The following EED variants were observed in gnomAD, a reference collection of about 807,000 sequenced individuals.
EED encodes polycomb protein EED.
In EED, 9 loss-of-function variants were observed where a neutral mutation model predicts 61.0. The observed-to-expected ratio is 0.15, with a 90% CI of 0.09 to 0.26. The LOEUF is 0.26. Among genes scored for constraint, EED ranks in the 10% least tolerant of loss-of-function variants. The pLI, the probability that EED is intolerant of heterozygous loss-of-function variation, is 1.00. For missense variants in EED, 315 were observed against 542.3 expected, an observed-to-expected ratio of 0.58 and a Z score of 4.16; for synonymous variants, 187 against 174.4, an observed-to-expected ratio of 1.07 and a Z score of -0.57.
chr11:86,260,491 A>G (rs926971252), intron 6 of EED, among the ~76,000 whole-genome samples: 3 of 152,028 alleles, frequency 2.0e-5, no homozygotes, highest in African/African-American at 7.3e-5. Flanking sequence ...GGCCTCCCAA[A>G]GTGCTGGGAT....
intron 5 of EED, among the ~76,000 whole-genome samples, chr11:86,257,201 G>A (rs1248905053): frequency 6.6e-6 from 1 of 151,622 alleles, no homozygotes; most frequent in Non-Finnish European, 1.5e-5. Context: ...GTGTGTGTGT[G>A]TGTGTGTGTG....
intron 6 of EED, among the ~76,000 whole-genome samples, chr11:86,261,437 A>C (rs775011288): frequency 1.3e-5 from 2 of 152,210 alleles, no homozygotes; most frequent in African/African-American, 4.8e-5. Flanking sequence ...CGTGCAGCCC[A>C]CATAGCATCT....
downstream of EED, among the ~76,000 whole-genome samples, chr11:86,280,123 G>T (rs569777863): frequency 1.3e-5 from 2 of 152,086 alleles, no homozygotes; most frequent in South Asian, 2.1e-4. Context: ...GTCTCACTCT[G>T]TTGCCCAGTC....
chr11:86,274,538 G>A (rs1286190784), intron 9 of EED, among the ~76,000 whole-genome samples: 2 of 152,162 alleles, frequency 1.3e-5, no homozygotes, highest in Non-Finnish European at 2.9e-5. Flanking sequence ...GGCGCATTGT[G>A]TTGTGCCAGA....
At chr11:86,285,427 G>C in the EED span, among the ~76,000 whole-genome samples, 4 of 149,946 alleles carry the variant, frequency 2.7e-5, no homozygotes, top group African/African-American at 9.8e-5. Flanking sequence ...CTCAAAAAAA[G>C]AAAAAAAAAT....
At chr11:86,260,361 G>T (rs1945795214) in intron 6 of EED, among the ~76,000 whole-genome samples, 1 of 151,742 alleles carries the variant, frequency 6.6e-6, no homozygotes, top group African/African-American at 2.4e-5. Flanking sequence ...TGAGTAGCTG[G>T]GACTACATGT....
downstream of EED, among the ~76,000 whole-genome samples, chr11:86,280,769 T>C (rs1277488798): frequency 6.6e-6 from 1 of 152,222 alleles, no homozygotes; most frequent in African/African-American, 2.4e-5. Context: ...AGCCTCCAAC[T>C]TTTCACTAAT....
chr11:86,278,382 T>G lies in EED; in HGVS notation c.1200-17T>G. 1 of 1,610,630 alleles carries G rather than the reference T, an allele frequency of 6.2e-7. No individual in the cohort carries two copies. The highest frequency in any genetic ancestry group is 1.1e-5 in the South Asian group (1 of 90,760). On this transcript the variant is annotated splice_polypyrimidine_tract_variant and intron_variant, in intron 11 of 11. Coordinates refer to ENST00000263360, the MANE Select transcript of EED (RefSeq NM_003797.5). Reference sequence around the variant, plus strand: ...GTTATGTGTGGTCTTTAACCTGTTGTCATGTTTTTTCCCTAGATGTACAAC... The same window carrying G: ...GTTATGTGTGGTCTTTAACCTGTTGGCATGTTTTTTCCCTAGATGTACAAC...
the EED span, among the ~76,000 whole-genome samples, chr11:86,286,350 A>G: frequency 6.6e-6 from 1 of 152,086 alleles, no homozygotes; most frequent in African/African-American, 2.4e-5. Flanking sequence ...TGAGATGACA[A>G]ATAGGATGAA....
At chr11:86,260,393 A>AT (rs1325326555) in intron 6 of EED, among the ~76,000 whole-genome samples, 1 of 72,884 alleles carries the variant, frequency 1.4e-5, no homozygotes, top group African/African-American at 4.0e-5. Flanking sequence ...TGCCTGGCTA[A>AT]TTTTTAAAAA....
At position 86,256,380 on chromosome 11, in the gene EED, T is replaced by C; in HGVS notation, c.427-7T>C. The C allele has an allele frequency of 6.4e-7, 1 of 1,565,374 alleles. No individual in the cohort carries two copies. ...ACATTATGTTTCTTAACTGTGGAATTTCTTAGGCTGATGAAAACTTTTACA... is the reference window on the plus strand; with the variant it reads ...ACATTATGTTTCTTAACTGTGGAATCTCTTAGGCTGATGAAAACTTTTACA... On this transcript the variant is annotated splice_polypyrimidine_tract_variant and splice_region_variant and intron_variant, in intron 4 of 11. Coordinates refer to ENST00000263360, the MANE Select transcript of EED (RefSeq NM_003797.5).
At chr11:86,280,704 G>A (rs535123811), downstream of EED, among the ~76,000 whole-genome samples, 1 of 152,306 alleles carries the variant, frequency 6.6e-6, no homozygotes, top group South Asian at 2.1e-4. Flanking sequence ...ATACAATGTA[G>A]AATGAGCAAA....
chr11:86,246,957 G>A (rs113314353), intron 1 of EED, among the ~76,000 whole-genome samples: 4,759 of 152,200 alleles, frequency 0.031, 239 homozygotes, highest in African/African-American at 0.11. Flanking sequence ...CTGCCCCATA[G>A]TAAGTACTAT....
chr11:86,270,579 C>G lies in EED; in HGVS notation c.966+2018C>G, dbSNP rs182503618. Among the ~76,000 whole-genome samples the G allele has an allele frequency of 2.0e-5, 3 of 152,134 alleles. No individual in the cohort carries two copies. The South Asian group carries it at 6.2e-4, about 32-fold the overall frequency. On this transcript the variant is annotated intron_variant, in intron 9 of 11. Coordinates refer to ENST00000263360, the MANE Select transcript of EED (RefSeq NM_003797.5). ...ATGGATTATGCTTTTGATGTTTTGC[C>G]TGAGAACTCCTTACCAAGCTATAGA...
rs755960470 is a variant in EED at position 86,256,413 on chromosome 11, A to G, written c.453A>G (p.Ala151=). 1 of 1,607,602 alleles carries G rather than the reference A, an allele frequency of 6.2e-7. No homozygotes were observed. Among genetic ancestry groups the G allele is most frequent in the Admixed American group, 1.7e-5 (1 of 59,324 alleles). Reference sequence around the variant, plus strand: ...CTGATGAAAACTTTTACACTTGTGCATGGACCTATGATAGCAATACGAGCC... The same window carrying G: ...CTGATGAAAACTTTTACACTTGTGCGTGGACCTATGATAGCAATACGAGCC... ...ADADENFYTC[A]WTYDSNTSHP... is the part of the protein sequence containing the mutation. Residue 151 remains alanine (A), a synonymous_variant, in exon 5 of 12, where the codon GCA becomes GCG. Coordinates refer to ENST00000263360, the MANE Select transcript of EED (RefSeq NM_003797.5).
intron 1 of EED, among the ~76,000 whole-genome samples, chr11:86,249,346 C>A: frequency 6.9e-6 from 1 of 145,118 alleles, no homozygotes; most frequent in African/African-American, 2.6e-5. Context: ...GCCCCTAAAG[C>A]AGTGTTTCCT....
chr11:86,255,169 G>C, intron 3 of EED, 53 bp from the exon 4 acceptor site: 1 of 1,371,472 alleles, frequency 7.3e-7, no homozygotes. Flanking sequence ...AAGTTGGAGA[G>C]AGTATGTTTT....
chr11:86,280,612 G>A (rs1946311743), downstream of EED, among the ~76,000 whole-genome samples: 1 of 152,166 alleles, frequency 6.6e-6, no homozygotes, highest in Admixed American at 6.5e-5. Context: ...TCAGGAAATA[G>A]AAACCAAGAA....
chr11:86,244,903 C>T lies in EED; in HGVS notation c.-327C>T, dbSNP rs540592287. ...AGGCGGTGGTGGGAAGGGAGACATA[C>T]TTAATACTGCCCTCTTAATCCAACG... On this transcript the variant is annotated 5_prime_UTR_variant, in exon 1 of 12. Coordinates refer to ENST00000263360, the MANE Select transcript of EED (RefSeq NM_003797.5). The T allele has an allele frequency of 1.7e-5, 5 of 299,828 alleles. No individual in the cohort carries two copies. In the South Asian group the frequency reaches 3.0e-4, roughly 18 times the overall value. 18.6% of individuals were successfully genotyped at this position (299,828 alleles called of 1,614,324 possible). A position where few individuals can be genotyped will look rare whatever the true frequency, so the allele number is the denominator to read the frequency against.
Sources: allele counts gnomAD v4.1 joint callset (sites outside exome capture counted in the v4.1 genomes callset), GRCh38; gene constraint gnomAD v4.1.1; transcripts MANE v1.5; gene names NCBI Gene and HGNC (gene_info 2026-07-23, HGNC 2026-07-21).